The following SBF2 variants were observed in gnomAD, a reference collection of about 807,000 sequenced individuals.
The protein encoded by SBF2 is SET binding factor 2.
Under a neutral mutation model 225.2 loss-of-function variants are expected in SBF2, and 112 were observed. That is an observed-to-expected ratio of 0.50 (90% CI 0.43 to 0.58). SBF2 has a LOEUF of 0.58. Ranked by LOEUF, SBF2 falls within the 20% of genes least tolerant of loss-of-function variation. The pLI, the probability that SBF2 is intolerant of heterozygous loss-of-function variation, is 0.00. For missense variants in SBF2, 1,996 were observed against 2,206.2 expected (o/e 0.90, Z 1.91); for synonymous variants, 763 against 773.3 (o/e 0.99, Z 0.22).
intron 1 of SBF2, among the ~76,000 whole-genome samples, chr11:10,284,385 A>AGG (rs1224552482): frequency 2.9e-4 from 44 of 152,048 alleles, no homozygotes; most frequent in African/African-American, 1.1e-3. Context: ...ATTCCTCCCA[A>AGG]TTACCCTTTT....
At chr11:9,882,880 T>C (rs1041613519) in intron 17 of SBF2, among the ~76,000 whole-genome samples, 1 of 151,532 alleles carries the variant, frequency 6.6e-6, no homozygotes, top group Non-Finnish European at 1.5e-5. Flanking sequence ...TAAGCCATAC[T>C]TCACTACAAA....
chr11:10,124,247 T>C (rs1195703312), intron 2 of SBF2, among the ~76,000 whole-genome samples: 1 of 152,210 alleles, frequency 6.6e-6, no homozygotes, highest in Admixed American at 6.5e-5. Flanking sequence ...TTTAACTTGG[T>C]TGACAGTATC....
At chr11:9,981,731 A>G (rs1309471519) in intron 13 of SBF2, among the ~76,000 whole-genome samples, 2 of 152,158 alleles carry the variant, frequency 1.3e-5, no homozygotes, top group African/African-American at 4.8e-5. Flanking sequence ...GTTATTTGCT[A>G]TACAGATAAA....
chr11:10,215,616 T>G (rs1282719076), intron 1 of SBF2, among the ~76,000 whole-genome samples: 1 of 152,076 alleles, frequency 6.6e-6, no homozygotes, highest in Non-Finnish European at 1.5e-5. Context: ...GAGCAAGACC[T>G]TGGCTCAAAA....
chr11:10,177,322 G>A (rs1471203692), intron 2 of SBF2, among the ~76,000 whole-genome samples: 1 of 146,618 alleles, frequency 6.8e-6, no homozygotes, highest in Non-Finnish European at 1.5e-5. Context: ...ATTCAACATA[G>A]TGTTGGAAGT....
intron 1 of SBF2, among the ~76,000 whole-genome samples, chr11:10,279,368 G>A (rs1203764154): frequency 1.4e-5 from 2 of 143,034 alleles, no homozygotes; most frequent in South Asian, 2.2e-4. Context: ...AGCTGAGGTC[G>A]CACCATTGCA....
chr11:10,124,922 T>A (rs61878636), intron 2 of SBF2, among the ~76,000 whole-genome samples: 1 of 151,742 alleles, frequency 6.6e-6, no homozygotes, highest in African/African-American at 2.4e-5. Context: ...CTGACCAACA[T>A]GGCAAAACCC....
chr11:9,942,907 GAAAGAA>G (rs1565038946), intron 16 of SBF2, among the ~76,000 whole-genome samples: 1,907 of 45,650 alleles, frequency 0.042, 46 homozygotes, highest in African/African-American at 0.088. Context: ...GAGAGAGAAA[GAAAGAA>G]AGAAAGAAAG....
intron 16 of SBF2, among the ~76,000 whole-genome samples, chr11:9,953,790 C>G (rs1865995788): frequency 6.6e-6 from 1 of 152,020 alleles, no homozygotes. Flanking sequence ...AAACAATGTA[C>G]CAAAATAATG....
intron 16 of SBF2, among the ~76,000 whole-genome samples, chr11:9,917,040 ATG>A (rs1174076031): frequency 6.7e-6 from 1 of 150,154 alleles, no homozygotes; most frequent in Non-Finnish European, 1.5e-5. Flanking sequence ...AAGATTACAC[ATG>A]TGTTCTTTTT....
chr11:9,992,980 T>C lies in SBF2; in HGVS notation c.1167+10A>G. 1 of 1,563,442 alleles carries C rather than the reference T, an allele frequency of 6.4e-7. No homozygotes were observed. The highest frequency in any genetic ancestry group is 8.8e-7 in the Non-Finnish European group (1 of 1,136,376). ...TTTTTGGACAGATACAATATAGTAC[T>C]CTATCTTACCTTGTGGAAATGTATT... On this transcript the variant is annotated intron_variant, in intron 11 of 39. Coordinates refer to ENST00000256190, the MANE Select transcript of SBF2 (RefSeq NM_030962.4).
At chr11:10,175,886 A>G (rs375895916) in intron 2 of SBF2, among the ~76,000 whole-genome samples, 28 of 152,040 alleles carry the variant, frequency 1.8e-4, no homozygotes, top group East Asian at 5.8e-4. Flanking sequence ...CTACATGGAA[A>G]CTGAACAACC....
intron 6 of SBF2, among the ~76,000 whole-genome samples, chr11:10,009,372 T>C (rs1948342655): frequency 6.6e-6 from 1 of 152,150 alleles, no homozygotes; most frequent in Non-Finnish European, 1.5e-5. Context: ...ACCTGTCATC[T>C]ACATTAGGTA....
At chr11:10,209,292 C>G (rs1240064637) in intron 1 of SBF2, among the ~76,000 whole-genome samples, 1 of 138,124 alleles carries the variant, frequency 7.2e-6, no homozygotes, top group Non-Finnish European at 1.5e-5. Flanking sequence ...CTACAATGCT[C>G]TCCTCTCCAC....
At chr11:10,118,803 C>T (rs953983887) in intron 2 of SBF2, among the ~76,000 whole-genome samples, 5 of 151,522 alleles carry the variant, frequency 3.3e-5, no homozygotes, top group African/African-American at 1.2e-4. Flanking sequence ...AAATCTCAAA[C>T]ATTTTTAAAT....
At chr11:10,001,135 A>T (rs939002646) in intron 7 of SBF2, 113 bp from the exon 8 acceptor site, 5 of 662,052 alleles carry the variant, frequency 7.6e-6, no homozygotes, top group Non-Finnish European at 1.3e-5. Flanking sequence ...AATTATCAAT[A>T]ATGTTTTCAT....
chr11:10,063,305 C>T (rs192798768), intron 2 of SBF2, among the ~76,000 whole-genome samples: 97 of 150,388 alleles, frequency 6.4e-4, no homozygotes, highest in Non-Finnish European at 1.2e-3. Context: ...TTCACATGTA[C>T]CCTCTAACCT....
intron 1 of SBF2, among the ~76,000 whole-genome samples, chr11:10,260,244 A>G (rs1029769955): frequency 9.2e-5 from 14 of 152,204 alleles, no homozygotes; most frequent in Non-Finnish European, 1.5e-4. Flanking sequence ...CTCATCTTTC[A>G]TAAGTAATTA....
At chr11:10,003,033 C>T (rs925971422) in intron 6 of SBF2, among the ~76,000 whole-genome samples, 2 of 152,156 alleles carry the variant, frequency 1.3e-5, no homozygotes, top group African/African-American at 4.8e-5. Context: ...GTTTGTCTGA[C>T]GTTAATAATA....
Sources: allele counts gnomAD v4.1 joint callset (sites outside exome capture counted in the v4.1 genomes callset), GRCh38; gene constraint gnomAD v4.1.1; transcripts MANE v1.5; gene names NCBI Gene and HGNC (gene_info 2026-07-23, HGNC 2026-07-21).